The following GPC5 variants were observed in gnomAD, a reference collection of about 807,000 sequenced individuals.
GPC5 encodes glypican-5.
A neutral mutation model predicts 53.9 loss-of-function variants in GPC5; 47 were observed. The observed-to-expected ratio is 0.87, with a 90% CI of 0.69 to 1.11. The LOEUF (loss-of-function observed/expected upper bound fraction) is 1.11, where lower values mean the gene tolerates loss of function less well. Ranked by LOEUF, GPC5 falls within the 50% of genes most tolerant of loss-of-function variation. The probability of loss-of-function intolerance (pLI) is 0.00; values close to 1 mark genes in which losing one functional copy is unlikely to be tolerated. For synonymous variants in GPC5, 286 were observed against 263.3 expected (o/e 1.09, Z -0.84); for missense variants, 748 against 713.1 (o/e 1.05, Z -0.56).
intron 7 of GPC5, among the ~76,000 whole-genome samples, chr13:92,859,422 T>C (rs1436634986): frequency 6.6e-6 from 1 of 152,146 alleles, no homozygotes; most frequent in Non-Finnish European, 1.5e-5. Context: ...CTACCATATG[T>C]CGAGACATAG....
chr13:91,937,978 T>C (rs1465015158), intron 6 of GPC5, among the ~76,000 whole-genome samples: 43 of 152,038 alleles, frequency 2.8e-4, no homozygotes, highest in Non-Finnish European at 2.9e-5. Flanking sequence ...ATTTGAATAA[T>C]ATTTTATGAA....
intron 2 of GPC5, among the ~76,000 whole-genome samples, chr13:91,656,957 AG>A (rs2139590444): frequency 6.6e-6 from 1 of 152,304 alleles, no homozygotes; most frequent in East Asian, 1.9e-4. Flanking sequence ...AAAGGAACTC[AG>A]GGTTTGTAAT....
chr13:91,528,394 G>A (rs1036054673), intron 2 of GPC5, among the ~76,000 whole-genome samples: 1 of 152,120 alleles, frequency 6.6e-6, no homozygotes, highest in Non-Finnish European at 1.5e-5. Flanking sequence ...TTTTTGCTAA[G>A]GCATAGCAAA....
At chr13:92,326,106 G>C (rs965773575) in intron 7 of GPC5, among the ~76,000 whole-genome samples, 2 of 152,000 alleles carry the variant, frequency 1.3e-5, no homozygotes, top group Non-Finnish European at 2.9e-5. Context: ...AGATCATTTA[G>C]GTGAAAAATA....
At chr13:92,680,054 T>C (rs1414172833) in intron 7 of GPC5, among the ~76,000 whole-genome samples, 2 of 152,170 alleles carry the variant, frequency 1.3e-5, no homozygotes, top group Non-Finnish European at 2.9e-5. Context: ...CTAGGGCTCA[T>C]AGAATGGAAT....
At chr13:92,764,680 C>T (rs1875322920) in intron 7 of GPC5, among the ~76,000 whole-genome samples, 1 of 152,122 alleles carries the variant, frequency 6.6e-6, no homozygotes, top group South Asian at 2.1e-4. Flanking sequence ...TCCTGGGTTT[C>T]AGTGCACTAT....
rs139718174 is a variant in GPC5 at position 91,982,384 on chromosome 13, T to C, written c.1401+74327T>C. ...CTGTTTTTCAGTGCTACACTAATGG[T>C]TAATTAAATGATGTAACATCTATAC... On this transcript the variant is annotated intron_variant, in intron 6 of 7. Transcript: ENST00000377067. Among the ~76,000 whole-genome samples the C allele has an allele frequency of 5.5e-3, 831 of 152,234 alleles. 14 individuals carry two copies. The highest frequency in any genetic ancestry group is 0.019 in the African/African-American group (799 of 41,536).
At chr13:91,622,349 G>A (rs2033884122) in intron 2 of GPC5, among the ~76,000 whole-genome samples, 1 of 152,102 alleles carries the variant, frequency 6.6e-6, no homozygotes. Flanking sequence ...GCAACTGCAT[G>A]TGTAAGTCTA....
intron 7 of GPC5, among the ~76,000 whole-genome samples, chr13:92,317,168 G>A (rs1051422103): frequency 2.6e-5 from 4 of 152,116 alleles, no homozygotes; most frequent in African/African-American, 9.7e-5. Flanking sequence ...CCCCAGTAAT[G>A]TATGTGGGAA....
chr13:92,070,185 C>T (rs1437738596), intron 6 of GPC5, among the ~76,000 whole-genome samples: 2 of 152,120 alleles, frequency 1.3e-5, no homozygotes, highest in Admixed American at 6.6e-5. Flanking sequence ...CCCCAGCTGA[C>T]AGCCAGCAAG....
chr13:91,468,036 G>A (rs1466094531), intron 2 of GPC5, among the ~76,000 whole-genome samples: 2 of 152,112 alleles, frequency 1.3e-5, no homozygotes, highest in South Asian at 2.1e-4. Flanking sequence ...TCCTGCCCAG[G>A]CTGAAGGAGC....
intron 2 of GPC5, among the ~76,000 whole-genome samples, chr13:91,584,047 G>A (rs1285084203): frequency 1.3e-5 from 2 of 152,102 alleles, no homozygotes; most frequent in Non-Finnish European, 2.9e-5. Flanking sequence ...TATGACTGAT[G>A]TCCTTGTAAG....
At chr13:92,726,148 G>A (rs1299506303) in intron 7 of GPC5, among the ~76,000 whole-genome samples, 1 of 151,416 alleles carries the variant, frequency 6.6e-6, no homozygotes, top group Non-Finnish European at 1.5e-5. Context: ...TCCTGGAAAA[G>A]GTGATGCTTT....
At chr13:91,632,141 T>A (rs1270139218) in intron 2 of GPC5, among the ~76,000 whole-genome samples, 1 of 152,096 alleles carries the variant, frequency 6.6e-6, no homozygotes, top group Non-Finnish European at 1.5e-5. Flanking sequence ...TCGTAGTAGG[T>A]CCCTTGAGAT....
chr13:91,582,602 G>T (rs546045186), intron 2 of GPC5, among the ~76,000 whole-genome samples: 1 of 152,256 alleles, frequency 6.6e-6, no homozygotes, highest in Non-Finnish European at 1.5e-5. Flanking sequence ...TTTTGGCAAT[G>T]TAAGTTAGAT....
chr13:91,472,489 CAAG>C (rs1243816243), intron 2 of GPC5, among the ~76,000 whole-genome samples: 1 of 152,104 alleles, frequency 6.6e-6, no homozygotes. Context: ...GAATCCATAT[CAAG>C]AAGATTTTGT....
chr13:91,552,258 T>C (rs1451766999), intron 2 of GPC5, among the ~76,000 whole-genome samples: 1 of 152,052 alleles, frequency 6.6e-6, no homozygotes, highest in Non-Finnish European at 1.5e-5. Context: ...ACCTAAATTA[T>C]CTTATTTGAA....
intron 5 of GPC5, among the ~76,000 whole-genome samples, chr13:91,811,289 C>T (rs2038307476): frequency 6.6e-6 from 1 of 151,980 alleles, no homozygotes; most frequent in Non-Finnish European, 1.5e-5. Flanking sequence ...TAATAGTAAT[C>T]ACACTAATTC....
chr13:92,514,087 A>C (rs1880680163), intron 7 of GPC5, among the ~76,000 whole-genome samples: 1 of 151,984 alleles, frequency 6.6e-6, no homozygotes. Flanking sequence ...AAAATATAAA[A>C]ACTAAACAAG....
Sources: allele counts gnomAD v4.1 joint callset (sites outside exome capture counted in the v4.1 genomes callset), GRCh38; gene constraint gnomAD v4.1.1; transcripts MANE v1.5; gene names NCBI Gene and HGNC (gene_info 2026-07-23, HGNC 2026-07-21).